The following CSMD1 variants were observed in gnomAD, a reference collection of about 807,000 sequenced individuals.
CSMD1 encodes CUB and sushi domain-containing protein 1.
In CSMD1, 213 loss-of-function variants were observed where a neutral mutation model predicts 417.5. The ratio of observed to expected loss-of-function variants is 0.51; its 90% CI spans 0.46 to 0.57. The LOEUF (loss-of-function observed/expected upper bound fraction) is 0.57. CSMD1 is among the 20% of genes least tolerant of loss of function. The probability of loss-of-function intolerance (pLI) is 0.00; values close to 1 mark genes in which losing one functional copy is unlikely to be tolerated. For synonymous variants in CSMD1, 2,862 were observed against 1,736.8 expected (o/e 1.65, Z -16.11); for missense variants, 6,923 against 4,529.7 (o/e 1.53, Z -15.17).
intron 3 of CSMD1, among the ~76,000 whole-genome samples, chr8:4,179,907 T>A (rs1798260279): frequency 6.6e-6 from 1 of 152,148 alleles, no homozygotes; most frequent in Middle Eastern, 3.4e-3. Flanking sequence ...AGAATGGCGA[T>A]CATTAAAAAG....
intron 3 of CSMD1, among the ~76,000 whole-genome samples, chr8:4,080,212 T>C (rs1447695015): frequency 2.0e-5 from 3 of 152,028 alleles, no homozygotes; most frequent in East Asian, 1.9e-4. Flanking sequence ...CCAGTAGTAA[T>C]AGTTGTCTCC....
intron 3 of CSMD1, among the ~76,000 whole-genome samples, chr8:4,335,895 T>C (rs543444735): frequency 6.6e-6 from 1 of 152,184 alleles, no homozygotes; most frequent in African/African-American, 2.4e-5. Context: ...CCTCCAGGGC[T>C]TCCTGCAATA....
intron 6 of CSMD1, among the ~76,000 whole-genome samples, chr8:3,750,202 G>C (rs887686994): frequency 2.0e-5 from 3 of 151,966 alleles, no homozygotes; most frequent in Admixed American, 6.6e-5. Context: ...CGGAATTTTT[G>C]TTCTCTTACA....
At position 3,982,574 on chromosome 8, in the gene CSMD1, G is replaced by T. The variant is rs865994664; in HGVS notation, c.818+15329C>A. 4.0e-5 allele frequency among the ~76,000 whole-genome samples: 6 copies of T among 151,846 alleles called. No individual in the cohort carries two copies. The East Asian group carries it at 5.8e-4, about 15-fold the overall frequency. On this transcript the variant is annotated intron_variant, in intron 5 of 69. Transcript: ENST00000635120. ...TATGTGCACTAGAATTATGCGCCTA[G>T]TCATTTAGAATTTCACTACTATTAT...
At position 4,618,650 on chromosome 8, in the gene CSMD1, A is replaced by C. The variant is rs1227261559; in HGVS notation, c.302+18692T>G. 2.0e-5 allele frequency among the ~76,000 whole-genome samples: 3 copies of C among 152,104 alleles called. No homozygotes were observed. The East Asian group carries it at 5.8e-4, about 29-fold the overall frequency. On this transcript the variant is annotated intron_variant, in intron 2 of 69. Transcript: ENST00000635120. ...AATGAATGCCTTGGGAAACCGTTAA[A>C]TTATTGACTGGATTTCAATCAAACA... is the stretch of plus-strand genomic sequence containing the variant.
chr8:4,270,328 C>G (rs528081213), intron 3 of CSMD1, among the ~76,000 whole-genome samples: 2 of 151,744 alleles, frequency 1.3e-5, no homozygotes, highest in Non-Finnish European at 2.9e-5. Flanking sequence ...GCTTTATTAA[C>G]AAACCACGAT....
At chr8:3,768,118 G>C (rs1563059380) in intron 5 of CSMD1, among the ~76,000 whole-genome samples, 1 of 151,932 alleles carries the variant, frequency 6.6e-6, no homozygotes, top group Non-Finnish European at 1.5e-5. Context: ...CAAAATGTGT[G>C]TCTTCAAAGA....
intron 26 of CSMD1, among the ~76,000 whole-genome samples, chr8:3,251,072 A>G (rs1020990734): frequency 1.3e-5 from 2 of 151,948 alleles, no homozygotes; most frequent in East Asian, 1.9e-4. Flanking sequence ...GTTTAATTAG[A>G]TCCCGTTTGT....
chr8:4,894,983 G>C (rs1019133759), intron 1 of CSMD1, among the ~76,000 whole-genome samples: 1 of 152,252 alleles, frequency 6.6e-6, no homozygotes, highest in East Asian at 1.9e-4. Context: ...CCACTTTTCT[G>C]ATCTACTGCC....
intron 3 of CSMD1, among the ~76,000 whole-genome samples, chr8:4,152,213 C>G (rs907304681): frequency 6.6e-6 from 1 of 152,068 alleles, no homozygotes; most frequent in African/African-American, 2.4e-5. Flanking sequence ...GAAGGAACAC[C>G]ATACACTTTC....
intron 7 of CSMD1, among the ~76,000 whole-genome samples, chr8:3,620,366 C>T (rs937023885): frequency 6.6e-6 from 1 of 151,916 alleles, no homozygotes; most frequent in Non-Finnish European, 1.5e-5. Context: ...CAGGTAAATA[C>T]ATGAAAATAT....
chr8:3,856,324 G>A (rs73172282), intron 5 of CSMD1, among the ~76,000 whole-genome samples: 1 of 152,232 alleles, frequency 6.6e-6, no homozygotes, highest in East Asian at 1.9e-4. Context: ...TCTTGAGGCT[G>A]CCCCAGAAGC....
chr8:3,658,253 G>C (rs1000455380), intron 7 of CSMD1, among the ~76,000 whole-genome samples: 3 of 152,002 alleles, frequency 2.0e-5, no homozygotes, highest in Non-Finnish European at 2.9e-5. Context: ...ATAGGCATGG[G>C]AGTGAAATGT....
intron 3 of CSMD1, among the ~76,000 whole-genome samples, chr8:4,372,104 G>T (rs1327518150): frequency 6.6e-6 from 1 of 152,178 alleles, no homozygotes. Context: ...CTATCTCAGT[G>T]CAAAGTCCAT....
intron 43 of CSMD1, among the ~76,000 whole-genome samples, chr8:3,109,033 G>A (rs1298782308): frequency 6.6e-6 from 1 of 152,158 alleles, no homozygotes; most frequent in African/African-American, 2.4e-5. Flanking sequence ...GGGAGGCCAA[G>A]GCAGGCAGAT....
At chr8:4,905,358 T>C (rs1805173692) in intron 1 of CSMD1, among the ~76,000 whole-genome samples, 1 of 150,962 alleles carries the variant, frequency 6.6e-6, no homozygotes, top group African/African-American at 2.5e-5. Flanking sequence ...CTCATTAGAC[T>C]CTTAGATAGA....
chr8:3,162,443 A>G (rs1254405790), intron 37 of CSMD1, among the ~76,000 whole-genome samples, 166 bp from the exon 38 acceptor site: 1 of 152,222 alleles, frequency 6.6e-6, no homozygotes, highest in Non-Finnish European at 1.5e-5. Flanking sequence ...CCTTTAAATC[A>G]GAGCTATGAG....
At chr8:3,666,528 T>C (rs887629126) in intron 7 of CSMD1, among the ~76,000 whole-genome samples, 4 of 152,202 alleles carry the variant, frequency 2.6e-5, no homozygotes, top group African/African-American at 7.2e-5. Context: ...AACAAGCCTT[T>C]TTTGAAAGCT....
chr8:3,001,006 G>A (rs1326290545), intron 52 of CSMD1, among the ~76,000 whole-genome samples: 1 of 150,460 alleles, frequency 6.6e-6, no homozygotes, highest in Non-Finnish European at 1.5e-5. Context: ...TTTTGGCAGG[G>A]TCTTGCTCTG....
Sources: gnomAD v4.1 joint callset for allele counts (sites outside exome capture counted in the v4.1 genomes callset) on GRCh38, gnomAD v4.1.1 for gene constraint, MANE v1.5 for transcripts, NCBI Gene and HGNC (gene_info 2026-07-23, HGNC 2026-07-21) for gene names.